Variants in PCLO observed in about 807,000 individuals in gnomAD.
PCLO encodes protein piccolo.
In PCLO, 82 loss-of-function variants were observed where a neutral mutation model predicts 427.5. The observed-to-expected ratio is 0.19, with a 90% confidence interval of 0.16 to 0.23. PCLO has a LOEUF of 0.23. Ranked by LOEUF, PCLO falls within the 10% of genes least tolerant of loss-of-function variation. PCLO has a pLI of 1.00. For synonymous variants in PCLO, 2,357 were observed against 2,155.4 expected, an observed-to-expected ratio of 1.09 and a Z score of -2.59; for missense variants, 6,239 against 6,115.9, an observed-to-expected ratio of 1.02 and a Z score of -0.67.
chr7:82,919,960 T>C (rs183064113), intron 6 of PCLO, among the ~76,000 whole-genome samples: 371 of 152,024 alleles, frequency 2.4e-3, no homozygotes, highest in African/African-American at 8.6e-3. Flanking sequence ...AATTTAAGCA[T>C]GTGTGTGAGG....
At chr7:82,794,548 T>C (rs527507814) in intron 22 of PCLO, among the ~76,000 whole-genome samples, 54 of 140,020 alleles carry the variant, frequency 3.9e-4, no homozygotes, top group Non-Finnish European at 7.5e-4. Flanking sequence ...CTCGGCTCAC[T>C]GCACCCTCTG....
In PCLO at chr7:83,155,696, T is replaced by C; in HGVS notation, c.945A>G (p.Pro315=). ...PIQQPTPGKP[P]AQQPGHEKSQ... The stretch of plus-strand genomic sequence containing the variant: ...ATTTTTCATGTCCAGGCTGCTGTGC[T>C]GGAGGTTTTCCAGGAGTTGGTTGCT... The change falls in exon 2 of 25, where the codon CCA becomes CCG. Residue 315 remains proline (P), a synonymous_variant. Coordinates refer to ENST00000333891, the MANE Select transcript of PCLO (RefSeq NM_033026.6). The C allele has an allele frequency of 6.2e-7, 1 of 1,614,044 alleles. No homozygotes were observed. The highest frequency in any genetic ancestry group is 8.5e-7 in the Non-Finnish European group (1 of 1,179,904).
At chr7:83,096,951 T>TATAA (rs1790579075) in intron 3 of PCLO, among the ~76,000 whole-genome samples, 1 of 58,854 alleles carries the variant, frequency 1.7e-5, no homozygotes, top group Non-Finnish European at 2.8e-5. Context: ...ATATATTATA[T>TATAA]AAATAATATA....
chr7:82,863,765 T>C (rs1584068034), intron 10 of PCLO, among the ~76,000 whole-genome samples: 1 of 152,054 alleles, frequency 6.6e-6, no homozygotes, highest in Non-Finnish European at 1.5e-5. Flanking sequence ...ACTGTAAAAG[T>C]AATGGCAATA....
intron 3 of PCLO, among the ~76,000 whole-genome samples, chr7:83,068,206 G>A (rs945053423): frequency 6.6e-6 from 1 of 151,994 alleles, no homozygotes; most frequent in Admixed American, 6.6e-5. Context: ...TAGGTAACAA[G>A]GTAACAACAA....
At chr7:83,015,465 A>G (rs914506088) in intron 3 of PCLO, among the ~76,000 whole-genome samples, 3 of 151,874 alleles carry the variant, frequency 2.0e-5, no homozygotes. Context: ...TTCTATTTCT[A>G]TGTGATGTAG....
At chr7:82,829,813 T>C (rs1446622497) in intron 16 of PCLO, among the ~76,000 whole-genome samples, 1 of 152,072 alleles carries the variant, frequency 6.6e-6, no homozygotes, top group Non-Finnish European at 1.5e-5. Flanking sequence ...ATTGCAACAT[T>C]ATTTCAATAG....
chr7:82,847,020 C>G (rs1334579079), intron 11 of PCLO, 119 bp downstream of exon 11: 1 of 616,476 alleles, frequency 1.6e-6, no homozygotes, highest in Admixed American at 3.0e-5. Flanking sequence ...CTTTGATTCA[C>G]TTTATTTTAT....
At chr7:83,120,691 T>C (rs1227207088) in intron 3 of PCLO, among the ~76,000 whole-genome samples, 1 of 152,126 alleles carries the variant, frequency 6.6e-6, no homozygotes, top group African/African-American at 2.4e-5. Context: ...TAGCATGACA[T>C]ATTTAAAGCA....
intron 9 of PCLO, among the ~76,000 whole-genome samples, chr7:82,893,979 T>C (rs1793839562): frequency 6.6e-6 from 1 of 152,006 alleles, no homozygotes; most frequent in South Asian, 2.1e-4. Flanking sequence ...TCATTCATTA[T>C]CTGTGTTTTA....
chr7:83,090,061 T>A (rs1790338891), intron 3 of PCLO, among the ~76,000 whole-genome samples: 1 of 152,230 alleles, frequency 6.6e-6, no homozygotes, highest in African/African-American at 2.4e-5. Context: ...TTCCAGCACT[T>A]TGGGAGGCCG....
Position 82,953,600 on chromosome 7 carries a change from T to G in PCLO, c.7353A>C (p.Thr2451=). 6.2e-7 allele frequency: 1 copy of G among 1,612,820 alleles called. No homozygotes were observed. Residue 2451 remains threonine, a synonymous_variant, in exon 5 of 25, where the codon ACA becomes ACC. Transcript: ENST00000333891. ...KKLTVASPVT[T]ATPLFDAVTT... is the part of the protein sequence containing the mutation. ...TAACAGCATCAAACAGAGGTGTAGC[T>G]GTAGTCACTGGAGATGCAACTGTTA... is the stretch of plus-strand genomic sequence containing the variant.
intron 9 of PCLO, among the ~76,000 whole-genome samples, chr7:82,882,425 T>C (rs762857893): frequency 4.6e-5 from 7 of 152,182 alleles, no homozygotes; most frequent in South Asian, 2.1e-4. Flanking sequence ...TCTCAAAACA[T>C]TGATGAAATG....
intron 10 of PCLO, among the ~76,000 whole-genome samples, chr7:82,852,491 T>TA (rs1269665504): frequency 1.3e-5 from 2 of 152,080 alleles, no homozygotes; most frequent in African/African-American, 4.8e-5. Context: ...CTTCCTGCCC[T>TA]AGAACATCAG....
chr7:83,108,636 A>C (rs1218110349), intron 3 of PCLO, among the ~76,000 whole-genome samples: 1 of 152,116 alleles, frequency 6.6e-6, no homozygotes, highest in African/African-American at 2.4e-5. Flanking sequence ...TTAAAGTCAC[A>C]AAGAGATGAA....
chr7:83,121,659 T>C (rs1791282420), intron 3 of PCLO, among the ~76,000 whole-genome samples: 2 of 141,074 alleles, frequency 1.4e-5, no homozygotes, highest in Admixed American at 1.4e-4. Flanking sequence ...ACACATAGAC[T>C]GAAAATAAAT....
Position 82,759,791 on chromosome 7 carries a change from T to G in PCLO, c.15288+848A>C, listed in dbSNP as rs151265826. ...TTTTATTCCTTGTCTCTATATCTAC[T>G]AAAGACGTACTATGTGCAAAGCATT... On this transcript the variant is annotated intron_variant, in intron 24 of 24. Transcript: ENST00000333891. Among the ~76,000 whole-genome samples, 403 of 152,070 alleles carry G rather than the reference T, an allele frequency of 2.7e-3. 2 individuals carry two copies. Among genetic ancestry groups the G allele is most frequent in the South Asian group, 4.4e-3 (21 of 4,824 alleles).
At chr7:83,107,101 G>A (rs1023956041) in intron 3 of PCLO, among the ~76,000 whole-genome samples, 2 of 151,930 alleles carry the variant, frequency 1.3e-5, no homozygotes, top group African/African-American at 4.8e-5. Context: ...TACATGTGCA[G>A]GTCTGTTATA....
At chr7:83,103,089 G>C (rs557609514) in intron 3 of PCLO, among the ~76,000 whole-genome samples, 1 of 151,910 alleles carries the variant, frequency 6.6e-6, no homozygotes, top group African/African-American at 2.4e-5. Context: ...CATAGAGAAG[G>C]CTTTAATGTA....
Sources: allele counts gnomAD v4.1 joint callset (sites outside exome capture counted in the v4.1 genomes callset), GRCh38; gene constraint gnomAD v4.1.1; transcripts MANE v1.5; gene names NCBI Gene and HGNC (gene_info 2026-07-23, HGNC 2026-07-21).